The following MTUS2 variants were observed in gnomAD, a reference collection of about 807,000 sequenced individuals.
MTUS2 encodes the protein microtubule-associated tumor suppressor candidate 2.
Under a neutral mutation model 114.1 loss-of-function variants are expected in MTUS2, and 40 were observed. That is an observed-to-expected ratio of 0.35 (90% confidence interval 0.27 to 0.46). MTUS2 has a LOEUF of 0.46. Among genes scored for constraint, MTUS2 ranks in the 20% least tolerant of loss-of-function variants. The pLI is 1.00. For synonymous variants in MTUS2, 688 were observed against 672.0 expected (o/e 1.02, Z -0.37); for missense variants, 1,679 against 1,705.4 (o/e 0.98, Z 0.27).
chr13:29,351,410 G>A (rs7985848), intron 7 of MTUS2, among the ~76,000 whole-genome samples: 110,790 of 151,810 alleles, frequency 0.73, 44,498 homozygotes, highest in East Asian at 0.9. Flanking sequence ...AACAAAACAA[G>A]CCATAACAAC....
At chr13:29,392,218 C>T (rs1356533854) in intron 8 of MTUS2, among the ~76,000 whole-genome samples, 1 of 151,976 alleles carries the variant, frequency 6.6e-6, no homozygotes, top group Non-Finnish European at 1.5e-5. Context: ...AATAATAACT[C>T]CCCATTCCCC....
chr13:29,487,338 C>T (rs2138942622), intron 10 of MTUS2, among the ~76,000 whole-genome samples: 1 of 152,336 alleles, frequency 6.6e-6, no homozygotes, highest in Middle Eastern at 3.4e-3. Context: ...GTTAGCTCTG[C>T]CATTTATTAG....
chr13:29,193,575 T>G (rs1367664153), intron 5 of MTUS2, among the ~76,000 whole-genome samples: 2 of 152,068 alleles, frequency 1.3e-5, no homozygotes, highest in Non-Finnish European at 2.9e-5. Flanking sequence ...TACAAACCAC[T>G]GCTCAATGAA....
intron 2 of MTUS2, among the ~76,000 whole-genome samples, chr13:28,884,541 A>G (rs959626701): frequency 6.6e-6 from 1 of 152,086 alleles, no homozygotes; most frequent in African/African-American, 2.4e-5. Flanking sequence ...TAATTTTAAG[A>G]GTATTTTACC....
chr13:29,461,754 T>A (rs986814590), intron 9 of MTUS2, among the ~76,000 whole-genome samples: 6 of 152,132 alleles, frequency 3.9e-5, no homozygotes, highest in Non-Finnish European at 7.4e-5. Flanking sequence ...CATTTGAAAA[T>A]CAAGAGAACT....
intron 1 of MTUS2, among the ~76,000 whole-genome samples, chr13:28,822,953 C>T (rs1312213248): frequency 6.6e-6 from 1 of 152,170 alleles, no homozygotes; most frequent in African/African-American, 2.4e-5. Flanking sequence ...CAGGCACATA[C>T]CTGGAGAACT....
intron 7 of MTUS2, among the ~76,000 whole-genome samples, chr13:29,344,133 G>A (rs1446187101): frequency 6.6e-6 from 1 of 152,088 alleles, no homozygotes; most frequent in Non-Finnish European, 1.5e-5. Flanking sequence ...CAGTTGTTGG[G>A]TAGAATGTTC....
Position 28,889,925 on chromosome 13 carries a change from G to A in MTUS2, c.-243+50075G>A, listed in dbSNP as rs549256800. On this transcript the variant is annotated intron_variant, in intron 2 of 15. Transcript: ENST00000612955. ...GTGAGGCTGAGGTGAGGGGATGCAG[G>A]ATGTGGGGTGCCCCAGTGATACTCG... Among the ~76,000 whole-genome samples the A allele has an allele frequency of 2.9e-4, 44 of 152,292 alleles. 1 individual carries two copies. The South Asian group carries it at 8.7e-3, about 30-fold the overall frequency.
intron 5 of MTUS2, among the ~76,000 whole-genome samples, chr13:29,113,846 G>A (rs1023452274): frequency 1.3e-5 from 2 of 152,070 alleles, no homozygotes; most frequent in African/African-American, 4.8e-5. Flanking sequence ...ATCTCATATT[G>A]AAATGTAATC....
At chr13:29,054,202 C>A (rs1441201564) in intron 4 of MTUS2, among the ~76,000 whole-genome samples, 1 of 152,044 alleles carries the variant, frequency 6.6e-6, no homozygotes, top group Non-Finnish European at 1.5e-5. Context: ...TATTTGTATT[C>A]ATATATCTTC....
At chr13:29,389,469 A>ATGTATACACGTGTGTGTATGTG (rs771715459) in intron 8 of MTUS2, among the ~76,000 whole-genome samples, 1 of 89,882 alleles carries the variant, frequency 1.1e-5, no homozygotes, top group Non-Finnish European at 2.6e-5. Context: ...GTGTATGTGT[A>ATGTATACACGTGTGTGTATGTG]TATGTATACA....
chr13:29,257,934 AG>A (rs1487770525), intron 5 of MTUS2, among the ~76,000 whole-genome samples: 1 of 152,196 alleles, frequency 6.6e-6, no homozygotes, highest in Non-Finnish European at 1.5e-5. Flanking sequence ...CTGCAGGTTG[AG>A]GGCTCACAGT....
intron 2 of MTUS2, among the ~76,000 whole-genome samples, chr13:28,948,944 G>T (rs574952422): frequency 6.6e-6 from 1 of 152,178 alleles, no homozygotes; most frequent in African/African-American, 2.4e-5. Context: ...TTCTGGGAGG[G>T]CTACCAATTT....
At chr13:28,976,174 A>G (rs1184111240) in intron 2 of MTUS2, among the ~76,000 whole-genome samples, 2 of 145,560 alleles carry the variant, frequency 1.4e-5, no homozygotes, top group African/African-American at 5.2e-5. Context: ...ACTGCACTCC[A>G]GTTTAGATGA....
intron 2 of MTUS2, among the ~76,000 whole-genome samples, chr13:28,883,342 C>G (rs1878402513): frequency 6.6e-6 from 1 of 152,112 alleles, no homozygotes; most frequent in Non-Finnish European, 1.5e-5. Context: ...ATACATGAAC[C>G]TGCACGAAAG....
chr13:29,249,234 C>T (rs572101488), intron 5 of MTUS2, among the ~76,000 whole-genome samples: 10 of 152,206 alleles, frequency 6.6e-5, no homozygotes, highest in African/African-American at 1.9e-4. Flanking sequence ...CATGATCCAC[C>T]CACCTCAGCC....
At chr13:28,997,187 C>G (rs969441872) in intron 2 of MTUS2, among the ~76,000 whole-genome samples, 47 of 152,236 alleles carry the variant, frequency 3.1e-4, no homozygotes, top group African/African-American at 9.9e-4. Flanking sequence ...TGTTCAGTTT[C>G]CATGTAGTTG....
intron 8 of MTUS2, among the ~76,000 whole-genome samples, chr13:29,426,967 G>C (rs1390275223): frequency 6.6e-6 from 1 of 152,090 alleles, no homozygotes; most frequent in East Asian, 1.9e-4. Flanking sequence ...AAAGCCCTAG[G>C]AACAGCTTTC....
At chr13:29,158,358 C>CCCCCCTT in intron 5 of MTUS2, among the ~76,000 whole-genome samples, 2 of 32,048 alleles carry the variant, frequency 6.2e-5, no homozygotes, top group Non-Finnish European at 1.0e-4. Context: ...GTCCACCCCG[C>CCCCCCTT]TTTTTTTTTT....
Sources: gnomAD v4.1 joint callset for allele counts (sites outside exome capture counted in the v4.1 genomes callset) on GRCh38, gnomAD v4.1.1 for gene constraint, MANE v1.5 for transcripts, NCBI Gene and HGNC (gene_info 2026-07-23, HGNC 2026-07-21) for gene names.